Variants in KANSL1 observed in about 807,000 individuals in gnomAD.
The protein encoded by KANSL1 is KAT8 regulatory NSL complex subunit 1, also known as MLL1/MLL complex subunit KANSL1.
KANSL1 carries 22 observed loss-of-function variants against 103.6 expected under a neutral mutation model. The observed-to-expected ratio is 0.21, with a 90% CI of 0.15 to 0.30. The LOEUF (loss-of-function observed/expected upper bound fraction) is 0.30. KANSL1 is among the 10% of genes least tolerant of loss of function. KANSL1 has a pLI of 1.00. For synonymous variants in KANSL1, 600 were observed against 527.6 expected, an observed-to-expected ratio of 1.14 and a Z score of -1.88; for missense variants, 1,337 against 1,399.8, an observed-to-expected ratio of 0.96 and a Z score of 0.72.
Position 46,136,724 on chromosome 17 carries a change from C to T in KANSL1, c.1289+34131G>A, listed in dbSNP as rs74456014. Among the ~76,000 whole-genome samples the T allele has an allele frequency of 9.7e-3, 1,473 of 152,276 alleles. 26 individuals are homozygous for T. Among genetic ancestry groups the T allele is most frequent in the African/African-American group, 0.03 (1,260 of 41,524 alleles). On this transcript the variant is annotated intron_variant, in intron 2 of 14. Coordinates refer to ENST00000432791, the MANE Select transcript of KANSL1 (RefSeq NM_015443.4). Reference sequence around the variant, plus strand: ...AGGAAAACTCATTTTATTAAATTTACATCATATCCTTCTTCCCAGGGTTCA... The same window carrying T: ...AGGAAAACTCATTTTATTAAATTTATATCATATCCTTCTTCCCAGGGTTCA...
upstream of KANSL1, chr17:46,196,413 A>G (rs1321743335): frequency 2.2e-6 from 1 of 456,346 alleles, no homozygotes; most frequent in East Asian, 6.9e-5. Context: ...CAGCCTCCAA[A>G]AGAGAACTGT....
intron 2 of KANSL1, among the ~76,000 whole-genome samples, chr17:46,105,954 CA>C (rs2042547256): frequency 6.9e-6 from 1 of 144,856 alleles, no homozygotes; most frequent in East Asian, 2.0e-4. Context: ...CACACCCCCC[CA>C]GAAGGGTGAA....
intron 1 of KANSL1, among the ~76,000 whole-genome samples, chr17:46,203,524 G>A (rs1353166557): frequency 1.3e-5 from 2 of 152,094 alleles, no homozygotes; most frequent in East Asian, 1.9e-4. Context: ...AATCTCTAAG[G>A]AAAGAATACT....
intron 10 of KANSL1, 179 bp downstream of exon 10, chr17:46,038,359 G>C: frequency 1.5e-6 from 1 of 652,392 alleles, no homozygotes; most frequent in South Asian, 2.3e-5. Context: ...ACAACAGAAG[G>C]TCAAGTACCA....
intron 1 of KANSL1, among the ~76,000 whole-genome samples, chr17:46,181,472 C>G (rs1332651307): frequency 6.6e-6 from 1 of 152,188 alleles, no homozygotes; most frequent in Non-Finnish European, 1.5e-5. Flanking sequence ...TCTTGTCCCC[C>G]AGGCTGGAGT....
At chr17:46,139,820 GTC>G (rs2044331179) in intron 2 of KANSL1, among the ~76,000 whole-genome samples, 1 of 151,768 alleles carries the variant, frequency 6.6e-6, no homozygotes, top group Non-Finnish European at 1.5e-5. Context: ...AGAATATACT[GTC>G]CTTAAAAAAA....
intron 2 of KANSL1, among the ~76,000 whole-genome samples, chr17:46,126,534 A>C (rs1010814379): frequency 6.6e-6 from 1 of 152,234 alleles, no homozygotes; most frequent in Non-Finnish European, 1.5e-5. Context: ...GTTCTGGATA[A>C]TATGTCAAGG....
chr17:46,034,198 C>T lies in KANSL1; in HGVS notation c.2629G>A (p.Val877Ile). Residue 877 changes from valine to isoleucine, a missense_variant, in exon 11 of 15, where the codon GTA becomes ATA. Around this residue, in one of 2 missense-constraint regions of KANSL1, gnomAD observed 780 missense variants for 923.4 expected, o/e 0.84. Coordinates refer to ENST00000432791, the MANE Select transcript of KANSL1 (RefSeq NM_015443.4). ...ATTTCCTTGTATTGCAGTTTCTCTA[C>T]GCGAGTTGTTGCAGCAACAGACATT... ...IPMSVAATTR[V>I]EKLQYKEILT... 1.2e-6 allele frequency: 2 copies of T among 1,614,104 alleles called. No homozygotes were observed. Among genetic ancestry groups the T allele is most frequent in the Non-Finnish European group, 8.5e-7 (1 of 1,179,994 alleles).
At chr17:46,194,168 C>T (rs747392247), upstream of KANSL1, among the ~76,000 whole-genome samples, 12 of 152,242 alleles carry the variant, frequency 7.9e-5, no homozygotes, top group Admixed American at 2.0e-4. Context: ...CCGCCGGCGC[C>T]GGGCCCGCTG....
At chr17:46,041,101 T>C (rs1343225472) in intron 7 of KANSL1, 6 of 152,220 alleles carry the variant, frequency 3.9e-5, no homozygotes, top group African/African-American at 1.4e-4. Context: ...AAATTTCAAC[T>C]TCAGTTCTTC....
intron 2 of KANSL1, among the ~76,000 whole-genome samples, chr17:46,118,340 T>C (rs116393644): frequency 6.6e-6 from 1 of 152,366 alleles, no homozygotes; most frequent in African/African-American, 2.4e-5. Flanking sequence ...TAATGACTAT[T>C]AGCTAAACAG....
At chr17:46,219,373 T>C (rs2048446246) in intron 1 of KANSL1, among the ~76,000 whole-genome samples, 1 of 152,114 alleles carries the variant, frequency 6.6e-6, no homozygotes, top group African/African-American at 2.4e-5. Context: ...TTTTCTTTAA[T>C]GAGACAAGAG....
At chr17:46,199,348 C>A (rs2047719278) in intron 1 of KANSL1, among the ~76,000 whole-genome samples, 1 of 152,212 alleles carries the variant, frequency 6.6e-6, no homozygotes, top group Non-Finnish European at 1.5e-5. Flanking sequence ...CACAGTGTCA[C>A]AAGTATAAAG....
intron 4 of KANSL1, among the ~76,000 whole-genome samples, chr17:46,080,796 G>A (rs1344286640): frequency 2.1e-5 from 3 of 143,714 alleles, no homozygotes; most frequent in Non-Finnish European, 4.5e-5. Context: ...GATAATTCAC[G>A]AAAACAGGGA....
rs2078387861 is a variant in KANSL1, at chr17:46,066,627, G to A, written c.1758C>T (p.Gly586=). The change falls in exon 6 of 15, where the codon GGC becomes GGT. Residue 586 remains glycine (G), a synonymous_variant. Coordinates refer to ENST00000432791, the MANE Select transcript of KANSL1 (RefSeq NM_015443.4). ...RLNLVSSSSD[G]TCVAARTRPV... is the part of the protein sequence containing the mutation. ...GACGTGTCCGGGCTGCCACACAGGT[G>A]CCATCAGATGATGAAGAGACGAGAT... 1.2e-6 allele frequency: 2 copies of A among 1,614,012 alleles called. No homozygotes were observed. Among genetic ancestry groups the A allele is most frequent in the African/African-American group, 1.3e-5 (1 of 74,916 alleles).
chr17:46,125,012 GGGA>G (rs2043454790), intron 2 of KANSL1, among the ~76,000 whole-genome samples: 1 of 137,466 alleles, frequency 7.3e-6, no homozygotes, highest in African/African-American at 2.7e-5. Context: ...AGAAAGGGAA[GGGA>G]AGGGAAGGGA....
Position 46,174,250 on chromosome 17 carries a change from T to A in KANSL1, c.-89-2018A>T, listed in dbSNP as rs190795084. 1.5e-3 allele frequency among the ~76,000 whole-genome samples: 233 copies of A among 152,332 alleles called. 1 individual carries two copies. Among genetic ancestry groups the A allele is most frequent in the African/African-American group, 5.4e-3 (224 of 41,582 alleles). ...GCCACGCTGGAGTGCAGTGGTATGA[T>A]CTCAGCTCACTGTAACCTCTGCCTC... On this transcript the variant is annotated intron_variant, in intron 1 of 14. Coordinates refer to ENST00000432791, the MANE Select transcript of KANSL1 (RefSeq NM_015443.4).
chr17:46,196,649 AAC>A (rs2147960194), upstream of KANSL1: 1 of 309,478 alleles, frequency 3.2e-6, no homozygotes, highest in East Asian at 9.1e-5. Context: ...ACAACAATGT[AAC>A]AATAAACATT....
intron 1 of KANSL1, among the ~76,000 whole-genome samples, chr17:46,199,686 A>C (rs888882680): frequency 6.6e-6 from 1 of 152,254 alleles, no homozygotes; most frequent in Non-Finnish European, 1.5e-5. Context: ...GAACTGACCC[A>C]ATAATTCATA....
Sources: allele counts gnomAD v4.1 joint callset (sites outside exome capture counted in the v4.1 genomes callset), GRCh38; gene constraint gnomAD v4.1.1; regional missense constraint gnomAD v4.1.1; transcripts MANE v1.5; gene names NCBI Gene and HGNC (gene_info 2026-07-23, HGNC 2026-07-21).